Variants in CHSY3 observed in about 807,000 individuals in gnomAD.
The protein encoded by CHSY3 is chondroitin sulfate synthase 3.
Under a neutral mutation model 67.2 loss-of-function variants are expected in CHSY3, and 35 were observed. That is an observed-to-expected ratio of 0.52 (90% confidence interval 0.40 to 0.69). The LOEUF (loss-of-function observed/expected upper bound fraction) is 0.69. Among genes scored for constraint, CHSY3 ranks in the 30% least tolerant of loss-of-function variants. The probability of loss-of-function intolerance (pLI) is 0.00; values close to 1 mark genes in which losing one functional copy is unlikely to be tolerated. For missense variants in CHSY3, 1,069 were observed against 1,138.5 expected, an observed-to-expected ratio of 0.94 and a Z score of 0.88; for synonymous variants, 474 against 434.7, an observed-to-expected ratio of 1.09 and a Z score of -1.12.
chr5:130,021,888 A>G (rs74495469), intron 2 of CHSY3, among the ~76,000 whole-genome samples: 2,423 of 152,180 alleles, frequency 0.016, 52 homozygotes, highest in African/African-American at 0.054. Context: ...CATCATTTCT[A>G]TTGTTTACGC....
At position 129,940,529 on chromosome 5, in the gene CHSY3, G is replaced by C. The variant is rs187707168; in HGVS notation, c.1086+32169G>C. Among the ~76,000 whole-genome samples the C allele has an allele frequency of 3.0e-3, 452 of 152,206 alleles. 3 individuals carry two copies. The highest frequency in any genetic ancestry group is 0.01 in the African/African-American group (436 of 41,554). ...CAAATCTACACATTAGTAATTTAATGTAGATTCCTAAATATGTAAAAATAT... is the reference window on the plus strand; with the variant it reads ...CAAATCTACACATTAGTAATTTAATCTAGATTCCTAAATATGTAAAAATAT... On this transcript the variant is annotated intron_variant, in intron 2 of 2. Coordinates refer to ENST00000305031, the MANE Select transcript of CHSY3 (RefSeq NM_175856.5).
chr5:129,926,420 A>C (rs927922635), intron 2 of CHSY3, among the ~76,000 whole-genome samples: 1 of 151,896 alleles, frequency 6.6e-6, no homozygotes, highest in Non-Finnish European at 1.5e-5. Context: ...TTTGTGTCTT[A>C]ATTGAGTTGT....
intron 2 of CHSY3, among the ~76,000 whole-genome samples, chr5:130,055,023 G>A (rs886819990): frequency 2.0e-5 from 3 of 152,090 alleles, no homozygotes; most frequent in African/African-American, 7.2e-5. Flanking sequence ...GGAGGTGGAG[G>A]ACTCCCTGGC....
chr5:130,178,253 A>ATATATATTTTTTT (rs1205782386), intron 2 of CHSY3, among the ~76,000 whole-genome samples: 7 of 45,910 alleles, frequency 1.5e-4, no homozygotes, highest in African/African-American at 7.1e-4. Flanking sequence ...ATATATATAT[A>ATATATATTTTTTT]TTTTTTTTTT....
intron 2 of CHSY3, among the ~76,000 whole-genome samples, chr5:129,925,812 A>G (rs763983986): frequency 2.0e-5 from 3 of 151,804 alleles, no homozygotes; most frequent in Non-Finnish European, 4.4e-5. Flanking sequence ...GCTTAGTGTG[A>G]TCTGAAAGGG....
At chr5:130,152,381 T>C (rs1263652481) in intron 2 of CHSY3, among the ~76,000 whole-genome samples, 2 of 152,192 alleles carry the variant, frequency 1.3e-5, no homozygotes, top group Non-Finnish European at 2.9e-5. Context: ...AGAACACATA[T>C]TGAAAAATTA....
At chr5:129,905,702 C>T (rs1019465345) in intron 1 of CHSY3, 71 bp downstream of exon 1, 2 of 1,554,730 alleles carry the variant, frequency 1.3e-6, no homozygotes, top group African/African-American at 1.4e-5. Context: ...GGTCCTAGCC[C>T]CTGCCCAGCC....
intron 2 of CHSY3, among the ~76,000 whole-genome samples, chr5:129,920,568 G>A (rs1760889052): frequency 6.6e-6 from 1 of 152,106 alleles, no homozygotes; most frequent in African/African-American, 2.4e-5. Context: ...AAGACCCCTG[G>A]TGGATGCCTG....
At chr5:130,023,046 A>G (rs1469964303) in intron 2 of CHSY3, among the ~76,000 whole-genome samples, 1 of 152,032 alleles carries the variant, frequency 6.6e-6, no homozygotes, top group Non-Finnish European at 1.5e-5. Context: ...GTCCTTGGAT[A>G]TTCCTAGAGA....
rs141668709 is a variant in CHSY3, at chr5:130,125,078, C to T, written c.1087-59151C>T. ...GGAGAATTGCTTGAGCTCGGGAGTT[C>T]TCGAACTCCTGCAGAGATTACAGAA... On this transcript the variant is annotated intron_variant, in intron 2 of 2. Coordinates refer to ENST00000305031, the MANE Select transcript of CHSY3 (RefSeq NM_175856.5). Among the ~76,000 whole-genome samples, 454 of 152,000 alleles carry T rather than the reference C, an allele frequency of 3.0e-3. 4 individuals are homozygous for T. The South Asian group carries it at 0.037, about 12-fold the overall frequency.
intron 2 of CHSY3, among the ~76,000 whole-genome samples, chr5:130,102,046 T>A (rs1007952360): frequency 1.3e-5 from 2 of 152,150 alleles, no homozygotes; most frequent in African/African-American, 2.4e-5. Context: ...TTGGAGTGCT[T>A]CCTTTTGGAA....
At chr5:130,085,107 A>T (rs866049731) in intron 2 of CHSY3, among the ~76,000 whole-genome samples, 4 of 151,970 alleles carry the variant, frequency 2.6e-5, no homozygotes, top group Admixed American at 1.3e-4. Context: ...TCAGGTTAAT[A>T]TTGGAATGCC....
chr5:130,043,705 T>C (rs1488659281), intron 2 of CHSY3, among the ~76,000 whole-genome samples: 3 of 152,094 alleles, frequency 2.0e-5, no homozygotes, highest in East Asian at 1.9e-4. Context: ...TTATATTTGA[T>C]GTCATGTAGC....
intron 2 of CHSY3, among the ~76,000 whole-genome samples, chr5:130,049,912 G>C (rs2149670671): frequency 6.6e-6 from 1 of 152,008 alleles, no homozygotes; most frequent in African/African-American, 2.4e-5. Flanking sequence ...CTTTTCATGA[G>C]ACAGCAAAAT....
rs116522638 is a variant in CHSY3, at chr5:129,963,096, A to C, written c.1086+54736A>C. 9.5e-3 allele frequency among the ~76,000 whole-genome samples: 1,443 copies of C among 151,950 alleles called. 21 individuals are homozygous for C. The highest frequency in any genetic ancestry group is 0.033 in the African/African-American group (1,352 of 41,474). On this transcript the variant is annotated intron_variant, in intron 2 of 2. Coordinates refer to ENST00000305031, the MANE Select transcript of CHSY3 (RefSeq NM_175856.5). ...GACTATAACTTGTAATCGGTCTAGC[A>C]AAACTATGGTGGAATGGGGAGAGAG...
At chr5:129,972,971 T>C (rs1762688024) in intron 2 of CHSY3, among the ~76,000 whole-genome samples, 1 of 152,072 alleles carries the variant, frequency 6.6e-6, no homozygotes, top group South Asian at 2.1e-4. Flanking sequence ...TAGAGTCTTG[T>C]GATGAGTCAA....
intron 2 of CHSY3, among the ~76,000 whole-genome samples, chr5:130,095,646 T>C (rs1332050189): frequency 2.6e-5 from 4 of 152,104 alleles, no homozygotes; most frequent in African/African-American, 9.7e-5. Flanking sequence ...AAATAGAAAA[T>C]CACTATTAGA....
chr5:129,938,466 A>G (rs1007463642), intron 2 of CHSY3, among the ~76,000 whole-genome samples: 2 of 152,220 alleles, frequency 1.3e-5, no homozygotes, highest in African/African-American at 4.8e-5. Flanking sequence ...GATTTTTCAA[A>G]CTTTTATGCT....
chr5:130,044,557 G>A (rs1765091039), intron 2 of CHSY3, among the ~76,000 whole-genome samples: 1 of 152,100 alleles, frequency 6.6e-6, no homozygotes, highest in Non-Finnish European at 1.5e-5. Flanking sequence ...GACTCTAAAA[G>A]GGATGGTGGT....
Sources: allele counts gnomAD v4.1 joint callset (sites outside exome capture counted in the v4.1 genomes callset), GRCh38; gene constraint gnomAD v4.1.1; transcripts MANE v1.5; gene names NCBI Gene and HGNC (gene_info 2026-07-23, HGNC 2026-07-21).